Variants in MARCHF4 observed in about 807,000 individuals in gnomAD.
MARCHF4 encodes E3 ubiquitin-protein ligase MARCHF4.
Under a neutral mutation model 43.9 loss-of-function variants are expected in MARCHF4, and 14 were observed. The ratio of observed to expected loss-of-function variants is 0.32; its 90% CI spans 0.21 to 0.50. The LOEUF (loss-of-function observed/expected upper bound fraction) is 0.50. Among genes scored for constraint, MARCHF4 ranks in the 20% least tolerant of loss-of-function variants. The pLI is 0.98. For synonymous variants in MARCHF4, 226 were observed against 213.3 expected (o/e 1.06, Z -0.52); for missense variants, 468 against 536.7 (o/e 0.87, Z 1.27).
At chr2:216,334,114 G>A (rs1197124662) in intron 1 of MARCHF4, among the ~76,000 whole-genome samples, 3 of 152,134 alleles carry the variant, frequency 2.0e-5, no homozygotes, top group Non-Finnish European at 4.4e-5. Context: ...TCAGCTGAGT[G>A]TAGGAAGATT....
intron 1 of MARCHF4, among the ~76,000 whole-genome samples, chr2:216,360,298 T>C (rs1273663982): frequency 6.6e-6 from 1 of 152,158 alleles, no homozygotes; most frequent in Non-Finnish European, 1.5e-5. Context: ...TTTAAATGTC[T>C]CACATTTCTA....
At chr2:216,350,411 T>C (rs1039737690) in intron 1 of MARCHF4, among the ~76,000 whole-genome samples, 4 of 149,552 alleles carry the variant, frequency 2.7e-5, no homozygotes, top group African/African-American at 4.9e-5. Flanking sequence ...CCCCTCACCA[T>C]GCCACACCCC....
At chr2:216,332,153 G>A (rs1304081913) in intron 1 of MARCHF4, among the ~76,000 whole-genome samples, 1 of 152,128 alleles carries the variant, frequency 6.6e-6, no homozygotes, top group African/African-American at 2.4e-5. Flanking sequence ...CACTTTGGGA[G>A]GCCAAGGCGA....
At chr2:216,308,489 C>T (rs1054766423) in intron 1 of MARCHF4, among the ~76,000 whole-genome samples, 3 of 152,252 alleles carry the variant, frequency 2.0e-5, no homozygotes, top group Non-Finnish European at 4.4e-5. Context: ...TCCTGTATCA[C>T]CCACGCTGAA....
At chr2:216,364,143 C>T (rs1021229511) in intron 1 of MARCHF4, among the ~76,000 whole-genome samples, 5 of 152,132 alleles carry the variant, frequency 3.3e-5, no homozygotes, top group Admixed American at 2.6e-4. Context: ...CTATCACTAT[C>T]GAAGGTACTG....
intron 1 of MARCHF4, among the ~76,000 whole-genome samples, chr2:216,299,138 C>T (rs1691443058): frequency 6.6e-6 from 1 of 151,912 alleles, no homozygotes; most frequent in African/African-American, 2.4e-5. Context: ...CCTTTCTTTG[C>T]ACTGTAGGGA....
intron 2 of MARCHF4, among the ~76,000 whole-genome samples, chr2:216,282,516 G>A (rs1360416258): frequency 3.9e-5 from 6 of 152,110 alleles, no homozygotes; most frequent in Non-Finnish European, 7.4e-5. Context: ...TGTGCCAGGA[G>A]CTGAAGTCCC....
intron 1 of MARCHF4, among the ~76,000 whole-genome samples, chr2:216,351,803 T>G (rs1376544042): frequency 6.6e-6 from 1 of 152,352 alleles, no homozygotes; most frequent in Middle Eastern, 3.4e-3. Context: ...CAAAGTGCAT[T>G]ATTCTATAAA....
chr2:216,354,949 T>TTCTTTCTTTCTTTC (rs1559106664), intron 1 of MARCHF4, among the ~76,000 whole-genome samples: 2 of 144,800 alleles, frequency 1.4e-5, no homozygotes, highest in African/African-American at 5.2e-5. Flanking sequence ...CTTTCTTTCT[T>TTCTTTCTTTCTTTC]TCTTTCTTTC....
chr2:216,302,273 C>T (rs1057456646), intron 1 of MARCHF4, among the ~76,000 whole-genome samples: 18 of 152,068 alleles, frequency 1.2e-4, no homozygotes, highest in Admixed American at 6.5e-4. Flanking sequence ...GGCTGGAGTG[C>T]AGTGGTGTGA....
chr2:216,361,943 T>A lies in MARCHF4; in HGVS notation c.516+7802A>T, dbSNP rs532829494. Reference sequence around the variant, plus strand: ...CTAGATCTTTAATGCATCATGTCAATTCCTTACAAATGTTCAAATTCAGTA... The same window carrying A: ...CTAGATCTTTAATGCATCATGTCAAATCCTTACAAATGTTCAAATTCAGTA... On this transcript the variant is annotated intron_variant, in intron 1 of 3. Transcript: ENST00000273067. Among the ~76,000 whole-genome samples the A allele has an allele frequency of 5.3e-5, 8 of 152,324 alleles. No individual in the cohort carries two copies. The South Asian group carries it at 1.7e-3, about 32-fold the overall frequency.
At chr2:216,342,832 AGTCTAGTTCCTTC>A (rs1692257097) in intron 1 of MARCHF4, among the ~76,000 whole-genome samples, 1 of 152,052 alleles carries the variant, frequency 6.6e-6, no homozygotes, top group Non-Finnish European at 1.5e-5. Flanking sequence ...CCTGGGTTCC[AGTCTAGTTCCTTC>A]CCAGGCCCTG....
intron 2 of MARCHF4, among the ~76,000 whole-genome samples, chr2:216,282,503 G>C (rs1270185037): frequency 6.6e-6 from 1 of 152,006 alleles, no homozygotes; most frequent in Non-Finnish European, 1.5e-5. Flanking sequence ...GGAGGAGTGA[G>C]ACTGTGCCAG....
chr2:216,259,584 T>C lies in MARCHF4; in HGVS notation c.961A>G (p.Lys321Glu), dbSNP rs1559279627. Reference protein sequence around the residue: ...QWKVLNYDKTKDLEDQKAGGR... With the variant: ...QWKVLNYDKTEDLEDQKAGGR... The stretch of plus-strand genomic sequence containing the variant: ...CCTGCCTTTTGATCCTCCAGGTCTT[T>C]TGTCTTGTCATAGTTCAGCACTTTC... The change falls in exon 4 of 4, where the codon AAA (lysine) becomes GAA (glutamate). Residue 321 changes from lysine to glutamate, a missense_variant. Around this residue, in one of 3 missense-constraint regions of MARCHF4, gnomAD observed 120 missense variants for 127.1 expected, o/e 0.94. Transcript: ENST00000273067. 4.3e-6 allele frequency: 7 copies of C among 1,614,210 alleles called. No homozygotes were observed. Among genetic ancestry groups the C allele is most frequent in the East Asian group, 2.2e-5 (1 of 44,884 alleles).
At chr2:216,302,913 A>G (rs913424752) in intron 1 of MARCHF4, among the ~76,000 whole-genome samples, 2 of 149,584 alleles carry the variant, frequency 1.3e-5, no homozygotes, top group Admixed American at 6.7e-5. Flanking sequence ...AAAAAAAAAA[A>G]AAAAAAAAAA....
chr2:216,349,393 G>T (rs1315744888), intron 1 of MARCHF4, among the ~76,000 whole-genome samples: 1 of 152,190 alleles, frequency 6.6e-6, no homozygotes, highest in African/African-American at 2.4e-5. Flanking sequence ...GAGCCTCTGC[G>T]ATTGCTAGGC....
intron 1 of MARCHF4, among the ~76,000 whole-genome samples, chr2:216,294,779 C>A (rs1477097225): frequency 6.6e-6 from 1 of 152,190 alleles, no homozygotes; most frequent in African/African-American, 2.4e-5. Context: ...CTTCAGCAAA[C>A]CTTGTCTCCT....
At chr2:216,321,138 G>T (rs534064701) in intron 1 of MARCHF4, among the ~76,000 whole-genome samples, 1 of 152,014 alleles carries the variant, frequency 6.6e-6, no homozygotes, top group Non-Finnish European at 1.5e-5. Context: ...GCTTCCTACT[G>T]TCTGTAGGAA....
intron 1 of MARCHF4, among the ~76,000 whole-genome samples, chr2:216,353,935 T>A (rs1017985350): frequency 6.6e-6 from 1 of 152,206 alleles, no homozygotes; most frequent in African/African-American, 2.4e-5. Flanking sequence ...GTGCATGTGT[T>A]GGAAGATAAG....
Sources: allele counts gnomAD v4.1 joint callset (sites outside exome capture counted in the v4.1 genomes callset), GRCh38; gene constraint gnomAD v4.1.1; regional missense constraint gnomAD v4.1.1; transcripts MANE v1.5; gene names NCBI Gene and HGNC (gene_info 2026-07-23, HGNC 2026-07-21).